The following UGGT2 variants were observed in gnomAD, a reference collection of about 807,000 sequenced individuals.
UGGT2 encodes UDP-glucose:glycoprotein glucosyltransferase 2.
In UGGT2, 180 loss-of-function variants were observed where a neutral mutation model predicts 192.1. That is an observed-to-expected ratio of 0.94 (90% CI 0.83 to 1.06). The LOEUF is 1.06. Ranked by LOEUF, UGGT2 falls within the 50% of genes least tolerant of loss-of-function variation. The probability of loss-of-function intolerance (pLI) is 0.00; values close to 1 mark genes in which losing one functional copy is unlikely to be tolerated. For missense variants in UGGT2, 1,849 were observed against 1,795.7 expected (o/e 1.03, Z -0.54); for synonymous variants, 580 against 591.0 (o/e 0.98, Z 0.27).
chr13:95,901,782 C>T (rs952066423), intron 21 of UGGT2, among the ~76,000 whole-genome samples: 1 of 152,026 alleles, frequency 6.6e-6, no homozygotes, highest in Non-Finnish European at 1.5e-5. Context: ...GGTGTTGGAC[C>T]ATGTAGGCCC....
intron 29 of UGGT2, among the ~76,000 whole-genome samples, chr13:95,868,699 C>T (rs1360000477): frequency 1.3e-5 from 2 of 152,146 alleles, no homozygotes; most frequent in Non-Finnish European, 1.5e-5. Flanking sequence ...AGTCACAAAA[C>T]ACTACTTAAG....
At chr13:95,982,606 T>C (rs2051162698) in intron 10 of UGGT2, among the ~76,000 whole-genome samples, 1 of 152,150 alleles carries the variant, frequency 6.6e-6, no homozygotes, top group Non-Finnish European at 1.5e-5. Context: ...GTGCACTCTG[T>C]AGGCAGCCCG....
At chr13:96,002,306 T>C (rs766860722) in intron 5 of UGGT2, among the ~76,000 whole-genome samples, 1 of 152,242 alleles carries the variant, frequency 6.6e-6, no homozygotes, top group Non-Finnish European at 1.5e-5. Flanking sequence ...ATAAGATGAT[T>C]AGACAATATA....
chr13:95,963,612 C>T (rs1409959870), intron 12 of UGGT2, among the ~76,000 whole-genome samples: 3 of 152,116 alleles, frequency 2.0e-5, no homozygotes, highest in Admixed American at 1.3e-4. Context: ...CCTCTTTGCA[C>T]ACAACATGAT....
intron 15 of UGGT2, among the ~76,000 whole-genome samples, chr13:95,941,767 A>C (rs1462343325): frequency 6.6e-6 from 1 of 152,216 alleles, no homozygotes; most frequent in African/African-American, 2.4e-5. Flanking sequence ...ACACATTATG[A>C]GGCATAAATA....
chr13:96,042,011 T>TA (rs1296064756), intron 1 of UGGT2, among the ~76,000 whole-genome samples: 1 of 152,020 alleles, frequency 6.6e-6, no homozygotes, highest in Non-Finnish European at 1.5e-5. Context: ...ATCCTCCCCA[T>TA]ACTACCACAG....
At chr13:95,897,209 T>C (rs946014089) in intron 22 of UGGT2, among the ~76,000 whole-genome samples, 6 of 151,992 alleles carry the variant, frequency 3.9e-5, no homozygotes, top group Non-Finnish European at 7.4e-5. Flanking sequence ...GACAGATTAT[T>C]ATCATTCTCA....
intron 36 of UGGT2, among the ~76,000 whole-genome samples, chr13:95,838,662 T>C (rs1231951336): frequency 6.6e-6 from 1 of 152,170 alleles, no homozygotes; most frequent in East Asian, 1.9e-4. Context: ...CTGCTCATTT[T>C]TTTTGTAAAC....
At chr13:96,006,742 G>C (rs1045167110) in intron 5 of UGGT2, among the ~76,000 whole-genome samples, 6 of 149,538 alleles carry the variant, frequency 4.0e-5, no homozygotes, top group African/African-American at 1.5e-4. Flanking sequence ...AATCCAAAAA[G>C]CAAACAACAG....
In UGGT2 at chr13:96,010,459, G is replaced by C. The variant is rs577040022; in HGVS notation, c.660+2848C>G. On this transcript the variant is annotated intron_variant, in intron 5 of 38. Coordinates refer to ENST00000376747, the MANE Select transcript of UGGT2 (RefSeq NM_020121.4). The stretch of plus-strand genomic sequence containing the variant: ...CCTTCCTCTAATATGACAGTTAATA[G>C]TAGAAGACCAAATGCTTTCTCTGCA... 2.0e-5 allele frequency among the ~76,000 whole-genome samples: 3 copies of C among 152,174 alleles called. No individual in the cohort carries two copies. In the South Asian group the frequency reaches 6.2e-4, roughly 32 times the overall value.
At chr13:95,981,740 T>C (rs2051132725) in intron 10 of UGGT2, among the ~76,000 whole-genome samples, 1 of 152,244 alleles carries the variant, frequency 6.6e-6, no homozygotes, top group Non-Finnish European at 1.5e-5. Context: ...TTCCAGGGCT[T>C]TCTCGTGTCC....
intron 24 of UGGT2, 151 bp from the exon 25 acceptor site, chr13:95,891,115 A>T (rs2047790184): frequency 1.8e-6 from 1 of 542,784 alleles, no homozygotes; most frequent in Non-Finnish European, 3.1e-6. Flanking sequence ...GCAAATCTGA[A>T]AATCTGTTTT....
intron 36 of UGGT2, among the ~76,000 whole-genome samples, chr13:95,842,294 T>C (rs898797238): frequency 6.6e-6 from 1 of 152,320 alleles, no homozygotes; most frequent in Non-Finnish European, 1.5e-5. Flanking sequence ...GATTATATAA[T>C]ACAAATACTT....
intron 38 of UGGT2, among the ~76,000 whole-genome samples, chr13:95,805,110 T>C (rs1363771946): frequency 6.6e-6 from 1 of 151,938 alleles, no homozygotes; most frequent in Non-Finnish European, 1.5e-5. Flanking sequence ...AATAACCTGA[T>C]TAAAAAATGG....
chr13:96,024,498 T>C (rs2052606385), intron 2 of UGGT2, among the ~76,000 whole-genome samples: 1 of 152,224 alleles, frequency 6.6e-6, no homozygotes, highest in Non-Finnish European at 1.5e-5. Context: ...ACTTTCTGTC[T>C]GTGCCCTTTT....
chr13:95,933,015 G>A (rs1247527478), intron 17 of UGGT2, among the ~76,000 whole-genome samples: 2 of 152,114 alleles, frequency 1.3e-5, no homozygotes, highest in African/African-American at 4.8e-5. Context: ...TTCCATCTAT[G>A]TTCATCAATG....
chr13:96,053,146 C>G lies in UGGT2; in HGVS notation c.158+9G>C. The G allele has an allele frequency of 6.7e-7, 1 of 1,499,700 alleles. No individual in the cohort carries two copies. The highest frequency in any genetic ancestry group is 1.2e-5 in the South Asian group (1 of 80,772). The allele number at this position is 1,499,700 out of a possible 1,614,324, so 92.9% of individuals were successfully genotyped here. A position where few individuals can be genotyped will look rare whatever the true frequency, so the allele number is the denominator to read the frequency against. On this transcript the variant is annotated intron_variant, in intron 1 of 38. Transcript: ENST00000376747. ...CACCCGCCCGGACGAGGGCCCGGCCCGCACCCACCTTGCCTCCAGCAGCAG... is the reference window on the plus strand; with the variant it reads ...CACCCGCCCGGACGAGGGCCCGGCCGGCACCCACCTTGCCTCCAGCAGCAG...
intron 1 of UGGT2, among the ~76,000 whole-genome samples, chr13:96,039,162 C>A (rs1001382010): frequency 1.3e-5 from 2 of 152,046 alleles, no homozygotes; most frequent in African/African-American, 4.8e-5. Flanking sequence ...TCTGTGCTGC[C>A]TGCCATGGTT....
intron 2 of UGGT2, among the ~76,000 whole-genome samples, chr13:96,029,390 G>A (rs182179045): frequency 9.2e-5 from 14 of 151,952 alleles, no homozygotes; most frequent in Admixed American, 9.2e-4. Flanking sequence ...GTGTTCAAGT[G>A]AGTCTTGTGC....
Sources: allele counts gnomAD v4.1 joint callset (sites outside exome capture counted in the v4.1 genomes callset), GRCh38; gene constraint gnomAD v4.1.1; transcripts MANE v1.5; gene names NCBI Gene and HGNC (gene_info 2026-07-23, HGNC 2026-07-21).